Variants in MEGF6 observed in about 807,000 individuals in gnomAD.
MEGF6 encodes the protein multiple epidermal growth factor-like domains protein 6.
MEGF6 carries 184 observed loss-of-function variants against 207.1 expected under a neutral mutation model. The observed-to-expected ratio is 0.89, with a 90% CI of 0.79 to 1.00. MEGF6 has a LOEUF of 1.00. Among genes scored for constraint, MEGF6 ranks in the 50% least tolerant of loss-of-function variants. The pLI is 0.00. For synonymous variants in MEGF6, 1,038 were observed against 910.0 expected (o/e 1.14, Z -2.53); for missense variants, 2,282 against 2,202.9 (o/e 1.04, Z -0.72).
chr1:3,592,084 C>A (rs1643988706), intron 3 of MEGF6, among the ~76,000 whole-genome samples: 1 of 152,158 alleles, frequency 6.6e-6, no homozygotes, highest in Non-Finnish European at 1.5e-5. Flanking sequence ...CCTGCCAGGG[C>A]ACTACTGTGG....
At chr1:3,605,639 T>C (rs1644238300) in intron 1 of MEGF6, among the ~76,000 whole-genome samples, 1 of 150,926 alleles carries the variant, frequency 6.6e-6, no homozygotes, top group African/African-American at 2.4e-5. Flanking sequence ...CGCACACTTC[T>C]GTACTCTCAC....
rs370887332 is a variant in MEGF6 at position 3,508,681 on chromosome 1, C to A, written c.1537G>T (p.Asp513Tyr). Residue 513 changes from aspartate to tyrosine, a missense_variant, in exon 13 of 37, where the codon GAT (aspartate) becomes TAT (tyrosine). Coordinates refer to ENST00000356575, the MANE Select transcript of MEGF6 (RefSeq NM_001409.4). ...HTLTEKFVCL[D>Y]DSFGHDCSLT... ...CTGCAGTCATGGCCAAAGGAGTCAT[C>A]CAGGCAGACTGGGGGCAGACCAGGA... is the stretch of plus-strand genomic sequence containing the variant. 6.2e-6 allele frequency: 10 copies of A among 1,613,072 alleles called. No individual in the cohort carries two copies. In the African/African-American group the frequency reaches 1.3e-4, roughly 22 times the overall value.
In MEGF6 at chr1:3,578,920, AG is replaced by A. The variant is rs1220318900; in HGVS notation, c.481+904del. 5.1e-4 allele frequency among the ~76,000 whole-genome samples: 77 copies of A among 151,270 alleles called. 3 individuals carry two copies. The highest frequency in any genetic ancestry group is 7.2e-4 in the Admixed American group (11 of 15,242). ...GCCCCCAGCGCAACGTGGAGTGGGC[AG>A]GGGTGTCCTTCACAAACACGGGGAC... On this transcript the variant is annotated intron_variant, in intron 4 of 36. Coordinates refer to ENST00000356575, the MANE Select transcript of MEGF6 (RefSeq NM_001409.4).
intron 34 of MEGF6, chr1:3,493,253 TC>T: frequency 4.7e-6 from 1 of 213,074 alleles, no homozygotes; most frequent in Non-Finnish European, 9.4e-6. Flanking sequence ...GGTGAGCCCC[TC>T]CTATCCTCAG....
At chr1:3,507,369 A>G (rs1641155730) in intron 14 of MEGF6, among the ~76,000 whole-genome samples, 2 of 152,216 alleles carry the variant, frequency 1.3e-5, no homozygotes, top group African/African-American at 2.4e-5. Context: ...TTCAGAGTTA[A>G]TAAGGGAGCC....
intron 4 of MEGF6, among the ~76,000 whole-genome samples, chr1:3,542,014 G>C (rs111818395): frequency 6.6e-6 from 1 of 152,202 alleles, no homozygotes; most frequent in Non-Finnish European, 1.5e-5. Flanking sequence ...GTCCGGCACC[G>C]AGAAGGAAGA....
In MEGF6 at chr1:3,507,815, C is replaced by T. The variant is rs61730931; in HGVS notation, c.1769G>A (p.Ser590Asn). The T allele has an allele frequency of 3.0e-4, 484 of 1,612,758 alleles. No homozygotes were observed. The highest frequency in any genetic ancestry group is 3.9e-4 in the Non-Finnish European group (455 of 1,179,948). The change falls in exon 14 of 37, where the codon AGT becomes AAT. Residue 590 changes from serine (S) to asparagine (N), a missense_variant. Coordinates refer to ENST00000356575, the MANE Select transcript of MEGF6 (RefSeq NM_001409.4). ...CGCACCATCCTCACAGTTAGTTCCA[C>T]TGACACCCGGGGGGCAGCGGCAGGC... ...TGACRCPPGV[S>N]GTNCEDGCPK...
At position 3,509,974 on chromosome 1, in the gene MEGF6, G is replaced by C. The variant is rs1641275493; in HGVS notation, c.1253C>G (p.Ser418Cys). The C allele has an allele frequency of 6.3e-7, 1 of 1,586,156 alleles. No homozygotes were observed. The highest frequency in any genetic ancestry group is 1.8e-5 in the Admixed American group (1 of 56,672). Residue 418 changes from serine to cysteine, a missense_variant, in exon 11 of 37, where the codon TCC (serine) becomes TGC (cysteine). Transcript: ENST00000356575. ...CGCEDVDECA[S>C]SRGGCEHHCT... ...GTGGTGCTCGCAGCCGCCACGGCTG[G>C]AGGCGCACTCATCCACATCTGCGGG...
intron 13 of MEGF6, 121 bp from the exon 14 acceptor site, chr1:3,508,044 T>C (rs1641185630): frequency 9.0e-7 from 1 of 1,105,482 alleles, no homozygotes; most frequent in Non-Finnish European, 1.3e-6. Flanking sequence ...ATGGCACTTG[T>C]ACCACATCAC....
chr1:3,610,282 C>T (rs1570258655), intron 1 of MEGF6, among the ~76,000 whole-genome samples: 3 of 152,360 alleles, frequency 2.0e-5, no homozygotes, highest in Non-Finnish European at 1.5e-5. Context: ...GGTCCTGCAC[C>T]GCCAGGTTTG....
rs770827669 is a variant in MEGF6 at position 3,499,570 on chromosome 1, A to G, written c.2965+18T>C. 1.3e-6 allele frequency: 2 copies of G among 1,567,444 alleles called. No individual in the cohort carries two copies. The highest frequency in any genetic ancestry group is 1.7e-6 in the Non-Finnish European group (2 of 1,159,096). On this transcript the variant is annotated intron_variant, in intron 23 of 36. Transcript: ENST00000356575. ...CCCCCTCCTGCAGCACCCCGGGCTG[A>G]GCAGGGACCTCACGCACTCTCGGCA... is the stretch of plus-strand genomic sequence containing the variant.
rs57325073 is a variant in MEGF6 at position 3,538,696 on chromosome 1, CTGTGTGTGTGTGTG to C, written c.482-14464_482-14451del. Among the ~76,000 whole-genome samples the C allele has an allele frequency of 5.5e-3, 728 of 132,092 alleles. 6 individuals are homozygous for C. The highest frequency in any genetic ancestry group is 7.4e-3 in the Non-Finnish European group (464 of 62,702). The allele number at this position is 132,092 out of a possible 152,430, so 86.7% of individuals were successfully genotyped here. On this transcript the variant is annotated intron_variant, in intron 4 of 36. Transcript: ENST00000356575. The stretch of plus-strand genomic sequence containing the variant: ...TGCTGCCGGCCAGCAGAGCATGTGC[CTGTGTGTGTGTGTG>C]TGTGTGTGTGTGTGTGTGTGTGTGT...
intron 4 of MEGF6, among the ~76,000 whole-genome samples, chr1:3,536,295 C>T (rs540728305): frequency 6.6e-6 from 1 of 151,600 alleles, no homozygotes; most frequent in Non-Finnish European, 1.5e-5. Flanking sequence ...GTTTTTTATG[C>T]AACAACGATG....
chr1:3,490,710 G>A, intron 36 of MEGF6, 121 bp from the exon 37 acceptor site: 2 of 1,143,734 alleles, frequency 1.7e-6, no homozygotes, highest in Non-Finnish European at 2.5e-6. Context: ...CCCAGCAGGT[G>A]GGTGGGGCCC....
chr1:3,604,272 T>C (rs1007823292), intron 1 of MEGF6, among the ~76,000 whole-genome samples: 3 of 152,164 alleles, frequency 2.0e-5, no homozygotes, highest in African/African-American at 4.8e-5. Flanking sequence ...GGCTGAGGCT[T>C]GCCCACCCGA....
intron 1 of MEGF6, among the ~76,000 whole-genome samples, chr1:3,605,812 T>C (rs1032827324): frequency 6.6e-6 from 1 of 152,210 alleles, no homozygotes; most frequent in East Asian, 1.9e-4. Flanking sequence ...CAGGAAGAGA[T>C]GTGGAAGAGG....
At chr1:3,522,300 G>A (rs779792053) in intron 5 of MEGF6, among the ~76,000 whole-genome samples, 4 of 152,114 alleles carry the variant, frequency 2.6e-5, no homozygotes, top group Non-Finnish European at 5.9e-5. Flanking sequence ...GCCAGGAGCC[G>A]GGCACCAGCC....
chr1:3,602,935 C>T (rs148086438), intron 1 of MEGF6, among the ~76,000 whole-genome samples: 301 of 152,352 alleles, frequency 2.0e-3, no homozygotes, highest in African/African-American at 6.9e-3. Context: ...AGTCACACCT[C>T]GTCCAGAATC....
chr1:3,583,256 TGTGCTG>T (rs1230555318), intron 3 of MEGF6, among the ~76,000 whole-genome samples: 1 of 151,188 alleles, frequency 6.6e-6, no homozygotes, highest in African/African-American at 2.4e-5. Context: ...CACTGCAGCA[TGTGCTG>T]ACAACCCACA....
Sources: allele counts gnomAD v4.1 joint callset (sites outside exome capture counted in the v4.1 genomes callset), GRCh38; gene constraint gnomAD v4.1.1; transcripts MANE v1.5; gene names NCBI Gene and HGNC (gene_info 2026-07-23, HGNC 2026-07-21).